KCNB2: variants seen among roughly 807,000 people sequenced by gnomAD.
The protein encoded by KCNB2 is potassium voltage-gated channel subfamily B member 2.
KCNB2 carries 15 observed loss-of-function variants against 61.5 expected under a neutral mutation model. The observed-to-expected ratio is 0.24, with a 90% CI of 0.16 to 0.38. KCNB2 has a LOEUF of 0.38. Ranked by LOEUF, KCNB2 falls within the 10% of genes least tolerant of loss-of-function variation. The pLI is 1.00. For missense variants in KCNB2, 828 were observed against 1,125.2 expected, an observed-to-expected ratio of 0.74 and a Z score of 3.78; for synonymous variants, 457 against 446.0, an observed-to-expected ratio of 1.02 and a Z score of -0.31.
intron 2 of KCNB2, among the ~76,000 whole-genome samples, chr8:72,573,592 C>T (rs1265643599): frequency 2.0e-5 from 3 of 151,682 alleles, no homozygotes. Context: ...CAGTGCTATC[C>T]TCTACATTGA....
Position 72,595,670 on chromosome 8 carries a change from C to T in KCNB2, c.579+27357C>T, listed in dbSNP as rs1807178330. ...TACTTGAATTCTCACCTCATATGTC[C>T]CTAGCTCTGAGAAGCCTTCACAGAG... On this transcript the variant is annotated intron_variant, in intron 2 of 2. Transcript: ENST00000523207. Among the ~76,000 whole-genome samples the T allele has an allele frequency of 2.6e-5, 4 of 152,188 alleles. No homozygotes were observed. In the South Asian group the frequency reaches 8.3e-4, roughly 32 times the overall value.
intron 2 of KCNB2, among the ~76,000 whole-genome samples, chr8:72,623,621 GT>G (rs1227405454): frequency 2.6e-5 from 4 of 152,222 alleles, no homozygotes; most frequent in Admixed American, 2.6e-4. Context: ...TAGTGAACTA[GT>G]TTAGAGGAAC....
At chr8:72,906,165 G>A (rs1806173294) in intron 2 of KCNB2, among the ~76,000 whole-genome samples, 1 of 152,184 alleles carries the variant, frequency 6.6e-6, no homozygotes, top group Admixed American at 6.5e-5. Context: ...AAGCTTTAGG[G>A]GAGGAAGAAA....
intron 2 of KCNB2, among the ~76,000 whole-genome samples, chr8:72,810,869 C>G (rs1474795366): frequency 6.6e-6 from 1 of 152,176 alleles, no homozygotes; most frequent in Non-Finnish European, 1.5e-5. Flanking sequence ...ACATTCTTAT[C>G]TAAAATGCAA....
chr8:72,857,536 A>G (rs1810225210), intron 2 of KCNB2, among the ~76,000 whole-genome samples: 1 of 125,658 alleles, frequency 8.0e-6, no homozygotes, highest in Non-Finnish European at 1.7e-5. Flanking sequence ...TGAAAATGAT[A>G]AAACCCCAGG....
chr8:72,633,249 C>T (rs62518088), intron 2 of KCNB2, among the ~76,000 whole-genome samples: 17,683 of 152,050 alleles, frequency 0.12, 1,554 homozygotes, highest in East Asian at 0.51. Context: ...CTACATGACT[C>T]CTGCTCCCAT....
rs1554539002 is a variant in KCNB2 at position 72,851,840 on chromosome 8, A to AAAAAAAACAAAAC, written c.580-84088_580-84087insCAAAACAAAAAAA. Among the ~76,000 whole-genome samples, 93 of 134,526 alleles carry AAAAAAAACAAAAC rather than the reference A, an allele frequency of 6.9e-4. 4 individuals carry two copies. Among genetic ancestry groups the AAAAAAAACAAAAC allele is most frequent in the African/African-American group, 2.6e-3 (86 of 33,158 alleles). The allele number at this position is 134,526 out of a possible 152,430, so 88.3% of individuals were successfully genotyped here. Reference sequence around the variant, plus strand: ...AGAAGCTGTAGGAAAAAAAAAAAAAAAAAAAAAACACGTACTGCTGAGTTC... The same window carrying AAAAAAAACAAAAC: ...AGAAGCTGTAGGAAAAAAAAAAAAAAAAAAAAACAAAACAAAAAAAACACGTACTGCTGAGTTC... On this transcript the variant is annotated intron_variant, in intron 2 of 2. Transcript: ENST00000523207.
At chr8:72,699,159 C>CA (rs1161047560) in intron 2 of KCNB2, among the ~76,000 whole-genome samples, 1 of 151,954 alleles carries the variant, frequency 6.6e-6, no homozygotes, top group Non-Finnish European at 1.5e-5. Flanking sequence ...ATTCAATAAG[C>CA]AAAAAACAAC....
At chr8:72,658,532 C>T (rs929374522) in intron 2 of KCNB2, among the ~76,000 whole-genome samples, 3 of 152,176 alleles carry the variant, frequency 2.0e-5, no homozygotes. Flanking sequence ...GAAGATCTAG[C>T]TAAAATCATT....
At chr8:72,899,869 C>T (rs1806058374) in intron 2 of KCNB2, among the ~76,000 whole-genome samples, 2 of 152,190 alleles carry the variant, frequency 1.3e-5, no homozygotes, top group South Asian at 4.1e-4. Flanking sequence ...TCTAAAATTT[C>T]ATATGAAGCC....
At chr8:72,774,088 T>G (rs1029835399) in intron 2 of KCNB2, among the ~76,000 whole-genome samples, 1 of 152,120 alleles carries the variant, frequency 6.6e-6, no homozygotes, top group Non-Finnish European at 1.5e-5. Flanking sequence ...TTATAACCCT[T>G]TGAGATTGTT....
Position 72,635,532 on chromosome 8 carries a change from C to T in KCNB2, c.579+67219C>T, listed in dbSNP as rs921933655. On this transcript the variant is annotated intron_variant, in intron 2 of 2. Transcript: ENST00000523207. ...GCCCAGTGTCGAATGAAGAGTGCCC[C>T]GTCTCTGCTGCTGAGATTGCACTGT... 2.6e-5 allele frequency among the ~76,000 whole-genome samples: 4 copies of T among 152,132 alleles called. No homozygotes were observed. The South Asian group carries it at 8.3e-4, about 32-fold the overall frequency.
chr8:72,923,566 A>G (rs576851278), intron 2 of KCNB2, among the ~76,000 whole-genome samples: 1 of 152,128 alleles, frequency 6.6e-6, no homozygotes, highest in African/African-American at 2.4e-5. Flanking sequence ...ACTTCCCATC[A>G]TGACCTGAAA....
chr8:72,924,480 T>C (rs1015620257), intron 2 of KCNB2, among the ~76,000 whole-genome samples: 5 of 151,758 alleles, frequency 3.3e-5, no homozygotes, highest in African/African-American at 1.2e-4. Context: ...GGGCCTGGGG[T>C]GGGGCCTGAG....
At chr8:72,619,063 ACT>A (rs1805665555) in intron 2 of KCNB2, 5 of 286,474 alleles carry the variant, frequency 1.7e-5, no homozygotes, top group South Asian at 9.6e-5. Flanking sequence ...GACAAATGAA[ACT>A]CTACTTTCTT....
chr8:72,684,590 G>A (rs540827195), intron 2 of KCNB2, among the ~76,000 whole-genome samples: 4 of 152,282 alleles, frequency 2.6e-5, no homozygotes, highest in Admixed American at 6.5e-5. Context: ...TGATAAGAAG[G>A]TTTGAGAAAT....
chr8:72,938,173 A>C lies in KCNB2; in HGVS notation c.*82A>C. The C allele has an allele frequency of 1.5e-5, 17 of 1,170,810 alleles. No homozygotes were observed. The highest frequency in any genetic ancestry group is 1.9e-5 in the Non-Finnish European group (16 of 821,704). 72.5% of individuals were successfully genotyped at this position (1,170,810 alleles called of 1,614,324 possible). A position where few individuals can be genotyped will look rare whatever the true frequency, so the allele number is the denominator to read the frequency against. The stretch of plus-strand genomic sequence containing the variant: ...AAAAATGCGGTTAATAATGCCTGTG[A>C]ACTAAAAAAATGGGAAGCCCTCCCC... On this transcript the variant is annotated 3_prime_UTR_variant, in exon 3 of 3. Coordinates refer to ENST00000523207, the MANE Select transcript of KCNB2 (RefSeq NM_004770.3).
rs191003293 is a variant in KCNB2, at chr8:72,705,302, A to G, written c.579+136989A>G. 3.3e-5 allele frequency among the ~76,000 whole-genome samples: 5 copies of G among 152,328 alleles called. No individual in the cohort carries two copies. In the East Asian group the frequency reaches 9.6e-4, roughly 29 times the overall value. ...GCCCCTCTCTGTTGCATACAGGCTT[A>G]ATAAAGTTGTCTAAGCCCACCTAGT... On this transcript the variant is annotated intron_variant, in intron 2 of 2. Transcript: ENST00000523207.
At chr8:72,788,332 T>G (rs1341886587) in intron 2 of KCNB2, among the ~76,000 whole-genome samples, 2 of 152,142 alleles carry the variant, frequency 1.3e-5, no homozygotes, top group Non-Finnish European at 1.5e-5. Context: ...TCTCCTCAGT[T>G]TGCAGATGAT....
Sources: gnomAD v4.1 joint callset for allele counts (sites outside exome capture counted in the v4.1 genomes callset) on GRCh38, gnomAD v4.1.1 for gene constraint, MANE v1.5 for transcripts, NCBI Gene and HGNC (gene_info 2026-07-23, HGNC 2026-07-21) for gene names.